The following CHSY3 variants were observed in gnomAD, a reference collection of about 807,000 sequenced individuals.
CHSY3 encodes the protein chondroitin sulfate synthase 3.
CHSY3 carries 35 observed loss-of-function variants against 67.2 expected under a neutral mutation model. The observed-to-expected ratio is 0.52, with a 90% CI of 0.40 to 0.69. The LOEUF (loss-of-function observed/expected upper bound fraction) is 0.69, where lower values mean the gene tolerates loss of function less well. Among genes scored for constraint, CHSY3 ranks in the 30% least tolerant of loss-of-function variants. The pLI, the probability that CHSY3 is intolerant of heterozygous loss-of-function variation, is 0.00. For missense variants in CHSY3, 1,069 were observed against 1,138.5 expected, an observed-to-expected ratio of 0.94 and a Z score of 0.88; for synonymous variants, 474 against 434.7, an observed-to-expected ratio of 1.09 and a Z score of -1.12.
At chr5:129,967,663 G>C (rs2149611712) in intron 2 of CHSY3, among the ~76,000 whole-genome samples, 1 of 151,874 alleles carries the variant, frequency 6.6e-6, no homozygotes, top group East Asian at 1.9e-4. Context: ...TCATTAATTG[G>C]CATGTGATTT....
chr5:130,053,559 C>T (rs1561514891), intron 2 of CHSY3, among the ~76,000 whole-genome samples: 1 of 152,136 alleles, frequency 6.6e-6, no homozygotes, highest in Non-Finnish European at 1.5e-5. Flanking sequence ...GGAGGCCAAG[C>T]TTATGATGTG....
chr5:130,062,433 T>C (rs1294702321), intron 2 of CHSY3, among the ~76,000 whole-genome samples: 1 of 151,924 alleles, frequency 6.6e-6, no homozygotes, highest in Non-Finnish European at 1.5e-5. Flanking sequence ...GGCTGAAAAA[T>C]TGCCTGTCAG....
intron 2 of CHSY3, among the ~76,000 whole-genome samples, chr5:129,972,605 G>A (rs527686207): frequency 1.3e-5 from 2 of 151,008 alleles, no homozygotes; most frequent in Admixed American, 1.3e-4. Flanking sequence ...TCTCTGCAGT[G>A]TGTGTGTGTG....
chr5:130,076,845 G>A (rs1175858723), intron 2 of CHSY3, among the ~76,000 whole-genome samples: 1 of 149,592 alleles, frequency 6.7e-6, no homozygotes, highest in Non-Finnish European at 1.5e-5. Context: ...ACTATCGCAA[G>A]AACAAAAAAC....
intron 2 of CHSY3, among the ~76,000 whole-genome samples, chr5:130,009,391 A>G (rs569436268): frequency 2.2e-4 from 33 of 152,290 alleles, no homozygotes; most frequent in African/African-American, 7.7e-4. Flanking sequence ...AAGGAAAAAT[A>G]TAATCCTTTT....
At chr5:130,043,786 C>T (rs1419912310) in intron 2 of CHSY3, among the ~76,000 whole-genome samples, 5 of 152,046 alleles carry the variant, frequency 3.3e-5, no homozygotes, top group Admixed American at 3.3e-4. Flanking sequence ...TAAGGTTGTT[C>T]TAAAGATAAT....
At position 130,091,132 on chromosome 5, in the gene CHSY3, A is replaced by ACACG. The variant is rs1554082149; in HGVS notation, c.1087-93093_1087-93090dup. On this transcript the variant is annotated intron_variant, in intron 2 of 2. Coordinates refer to ENST00000305031, the MANE Select transcript of CHSY3 (RefSeq NM_175856.5). ...ACGCAACACACACACACACACACAC[A>ACACG]CACGCACACGCGCGCACACACACAC... Among the ~76,000 whole-genome samples, 453 of 116,608 alleles carry ACACG rather than the reference A, an allele frequency of 3.9e-3. 3 individuals are homozygous for ACACG. Among genetic ancestry groups the ACACG allele is most frequent in the African/African-American group, 0.015 (426 of 28,278 alleles). The allele number at this position is 116,608 out of a possible 152,430, so 76.5% of individuals were successfully genotyped here. A position where few individuals can be genotyped will look rare whatever the true frequency, so the allele number is the denominator to read the frequency against.
chr5:129,958,576 C>T lies in CHSY3; in HGVS notation c.1086+50216C>T, dbSNP rs982742940. Among the ~76,000 whole-genome samples the T allele has an allele frequency of 4.6e-5, 7 of 152,072 alleles. No homozygotes were observed. The South Asian group carries it at 1.2e-3, about 27-fold the overall frequency. On this transcript the variant is annotated intron_variant, in intron 2 of 2. Coordinates refer to ENST00000305031, the MANE Select transcript of CHSY3 (RefSeq NM_175856.5). ...GATGGGGTTTTGCTCTGTTACCCAG[C>T]CTGGAGTGCAGCAGTGTGATCACAG...
chr5:130,043,198 GT>G (rs1197298529), intron 2 of CHSY3, among the ~76,000 whole-genome samples: 1 of 151,122 alleles, frequency 6.6e-6, no homozygotes, highest in Non-Finnish European at 1.5e-5. Context: ...TTGTTTGTTT[GT>G]TTTTTTTACT....
chr5:130,107,991 A>G (rs1373039612), intron 2 of CHSY3, among the ~76,000 whole-genome samples: 1 of 151,708 alleles, frequency 6.6e-6, no homozygotes, highest in East Asian at 1.9e-4. Flanking sequence ...TTTTATTATC[A>G]AAATAATTTA....
intron 2 of CHSY3, among the ~76,000 whole-genome samples, chr5:130,083,338 C>A (rs1766504158): frequency 6.6e-6 from 1 of 152,008 alleles, no homozygotes; most frequent in Non-Finnish European, 1.5e-5. Context: ...ACTGAGCTGG[C>A]AAAGCATCTT....
At chr5:130,090,187 A>G (rs1766829021) in intron 2 of CHSY3, among the ~76,000 whole-genome samples, 1 of 152,112 alleles carries the variant, frequency 6.6e-6, no homozygotes, top group Non-Finnish European at 1.5e-5. Flanking sequence ...TCCACTCACT[A>G]GGCTACCTCT....
chr5:130,127,228 T>C (rs1383971905), intron 2 of CHSY3, among the ~76,000 whole-genome samples: 5 of 152,226 alleles, frequency 3.3e-5, no homozygotes, highest in Admixed American at 3.3e-4. Flanking sequence ...TTAGCCTTTC[T>C]TTCTCAATCT....
chr5:130,128,402 C>T (rs1034933975), intron 2 of CHSY3, among the ~76,000 whole-genome samples: 1 of 151,880 alleles, frequency 6.6e-6, no homozygotes, highest in East Asian at 1.9e-4. Context: ...GGACATTATG[C>T]TAAGTGAAAT....
At chr5:129,907,040 G>A (rs748026420) in intron 1 of CHSY3, among the ~76,000 whole-genome samples, 3 of 152,122 alleles carry the variant, frequency 2.0e-5, no homozygotes, top group Non-Finnish European at 4.4e-5. Flanking sequence ...GTGGTATTTA[G>A]GATTGACTCA....
chr5:129,927,145 A>T (rs2149586556), intron 2 of CHSY3, among the ~76,000 whole-genome samples: 1 of 152,000 alleles, frequency 6.6e-6, no homozygotes, highest in East Asian at 1.9e-4. Context: ...ATTTTTTTAA[A>T]TTTCAACTGA....
At chr5:129,985,593 T>C (rs1313983445) in intron 2 of CHSY3, among the ~76,000 whole-genome samples, 1 of 152,208 alleles carries the variant, frequency 6.6e-6, no homozygotes, top group Non-Finnish European at 1.5e-5. Context: ...AGGAATAGCA[T>C]TGAATCTGTA....
chr5:130,137,022 T>C (rs1297017937), intron 2 of CHSY3, among the ~76,000 whole-genome samples: 2 of 152,164 alleles, frequency 1.3e-5, no homozygotes, highest in Non-Finnish European at 2.9e-5. Flanking sequence ...TTCAAAACTG[T>C]TTCCTACCTT....
At chr5:130,055,891 T>TC (rs1765516503) in intron 2 of CHSY3, among the ~76,000 whole-genome samples, 1 of 152,082 alleles carries the variant, frequency 6.6e-6, no homozygotes, top group Non-Finnish European at 1.5e-5. Flanking sequence ...TGGCTACTGG[T>TC]CACCAATACC....
Sources: allele counts gnomAD v4.1 joint callset (sites outside exome capture counted in the v4.1 genomes callset), GRCh38; gene constraint gnomAD v4.1.1; transcripts MANE v1.5; gene names NCBI Gene and HGNC (gene_info 2026-07-23, HGNC 2026-07-21).